CADM2: variants seen among roughly 807,000 people sequenced by gnomAD.
CADM2 encodes the protein cell adhesion molecule 2.
A neutral mutation model predicts 49.8 loss-of-function variants in CADM2; 12 were observed. That is an observed-to-expected ratio of 0.24 (90% CI 0.15 to 0.39). The LOEUF is 0.39. Among genes scored for constraint, CADM2 ranks in the 10% least tolerant of loss-of-function variants. The pLI, the probability that CADM2 is intolerant of heterozygous loss-of-function variation, is 1.00. For missense variants in CADM2, 378 were observed against 492.3 expected (o/e 0.77, Z 2.20); for synonymous variants, 214 against 175.4 (o/e 1.22, Z -1.74).
chr3:85,448,079 C>T (rs1201937982), intron 1 of CADM2, among the ~76,000 whole-genome samples: 2 of 152,096 alleles, frequency 1.3e-5, no homozygotes, highest in African/African-American at 4.8e-5. Context: ...CGCCTCTAAT[C>T]CCAGCACTTT....
At chr3:85,235,573 C>A (rs1251955833) in intron 1 of CADM2, among the ~76,000 whole-genome samples, 1 of 151,992 alleles carries the variant, frequency 6.6e-6, no homozygotes. Context: ...TTATAATTTA[C>A]AAAGATATGT....
chr3:85,796,720 A>G (rs2071645774), intron 2 of CADM2, among the ~76,000 whole-genome samples: 1 of 151,586 alleles, frequency 6.6e-6, no homozygotes, highest in African/African-American at 2.4e-5. Context: ...GGGTAATAAG[A>G]TTTTTTTTTC....
intron 3 of CADM2, among the ~76,000 whole-genome samples, chr3:85,853,516 T>C (rs2075185510): frequency 6.6e-6 from 1 of 152,124 alleles, no homozygotes; most frequent in South Asian, 2.1e-4. Context: ...GTTTATTAAA[T>C]TGCTAGAATG....
intron 4 of CADM2, among the ~76,000 whole-genome samples, chr3:85,885,934 T>C (rs1713586112): frequency 6.6e-6 from 1 of 151,890 alleles, no homozygotes; most frequent in Non-Finnish European, 1.5e-5. Flanking sequence ...TTTGATACTA[T>C]ATATATTTAT....
intron 1 of CADM2, among the ~76,000 whole-genome samples, chr3:84,966,781 A>G (rs973837313): frequency 9.9e-5 from 15 of 152,084 alleles, no homozygotes; most frequent in Non-Finnish European, 1.8e-4. Flanking sequence ...GAGTCAGCAA[A>G]TCATTTTCAC....
At chr3:85,936,410 T>C (rs187555818) in intron 7 of CADM2, among the ~76,000 whole-genome samples, 3 of 151,970 alleles carry the variant, frequency 2.0e-5, no homozygotes, top group Admixed American at 1.3e-4. Flanking sequence ...CTCTAAAACT[T>C]CACCTTTTGA....
At chr3:86,062,302 T>A (rs1041167461) in intron 8 of CADM2, among the ~76,000 whole-genome samples, 1 of 152,142 alleles carries the variant, frequency 6.6e-6, no homozygotes, top group Non-Finnish European at 1.5e-5. Flanking sequence ...AATTCAGAAA[T>A]ATGACAGGTT....
chr3:85,116,076 C>T (rs138292850), intron 1 of CADM2, among the ~76,000 whole-genome samples: 315 of 152,346 alleles, frequency 2.1e-3, no homozygotes, highest in African/African-American at 7.1e-3. Context: ...CCTGTAATCC[C>T]AGCACTTTGG....
At chr3:85,592,085 T>A (rs1472324929) in intron 1 of CADM2, among the ~76,000 whole-genome samples, 1 of 152,002 alleles carries the variant, frequency 6.6e-6, no homozygotes, top group Non-Finnish European at 1.5e-5. Flanking sequence ...TGATTTGTAG[T>A]CATCCAGCAA....
chr3:85,912,523 T>C lies in CADM2; in HGVS notation c.680T>C (p.Met227Thr), dbSNP rs776908085. 3 of 1,613,690 alleles carry C rather than the reference T, an allele frequency of 1.9e-6. No individual in the cohort carries two copies. The highest frequency in any genetic ancestry group is 1.7e-6 in the Non-Finnish European group (2 of 1,179,814). The change falls in exon 6 of 10, where the codon ATG (methionine) becomes ACG (threonine). Residue 227 changes from methionine to threonine, a missense_variant. Transcript: ENST00000383699. ...CTCAATGCCACCCCTCAGGTAGCCA[T>C]GCAGGTGCTAGAAATACACTGTAAG... is the stretch of plus-strand genomic sequence containing the variant. ...ESLNATPQVA[M>T]QVLEIHYTPS...
chr3:85,819,288 T>A (rs1431417492), intron 3 of CADM2, among the ~76,000 whole-genome samples: 1 of 152,028 alleles, frequency 6.6e-6, no homozygotes, highest in Non-Finnish European at 1.5e-5. Context: ...TGAGAGTGGG[T>A]CTTCCTCTCC....
intron 1 of CADM2, among the ~76,000 whole-genome samples, chr3:85,512,494 C>G (rs921512219): frequency 1.3e-5 from 2 of 151,902 alleles, no homozygotes; most frequent in Non-Finnish European, 2.9e-5. Flanking sequence ...GTTATGACAT[C>G]AATTCAGTAA....
chr3:85,984,497 T>A (rs965951355), intron 8 of CADM2, among the ~76,000 whole-genome samples: 2 of 151,802 alleles, frequency 1.3e-5, no homozygotes, highest in African/African-American at 2.4e-5. Context: ...AGTGGTTATG[T>A]TTATTTATCA....
At chr3:85,272,396 A>G (rs1292854703) in intron 1 of CADM2, among the ~76,000 whole-genome samples, 1 of 151,290 alleles carries the variant, frequency 6.6e-6, no homozygotes, top group Non-Finnish European at 1.5e-5. Context: ...ATTTTAAATC[A>G]AATTTACTTC....
At chr3:85,359,071 T>C (rs1430645684) in intron 1 of CADM2, among the ~76,000 whole-genome samples, 2 of 152,180 alleles carry the variant, frequency 1.3e-5, no homozygotes, top group Non-Finnish European at 2.9e-5. Context: ...CATCTTCTTT[T>C]ACAGCCTCAT....
chr3:85,601,999 GA>G (rs1299051020), intron 1 of CADM2, among the ~76,000 whole-genome samples: 1 of 151,674 alleles, frequency 6.6e-6, no homozygotes, highest in African/African-American at 2.4e-5. Context: ...CTGTCAGCAG[GA>G]AAAACCTTCA....
At chr3:85,700,733 C>T (rs2066728161) in intron 1 of CADM2, among the ~76,000 whole-genome samples, 1 of 152,152 alleles carries the variant, frequency 6.6e-6, no homozygotes, top group African/African-American at 2.4e-5. Context: ...AAATAAGTTC[C>T]TCATTTCCAT....
At chr3:85,099,836 T>G (rs1329090865) in intron 1 of CADM2, among the ~76,000 whole-genome samples, 1 of 152,172 alleles carries the variant, frequency 6.6e-6, no homozygotes, top group African/African-American at 2.4e-5. Context: ...GAATGGGAGC[T>G]TTTAAAATAA....
At chr3:85,180,196 C>T (rs900078363) in intron 1 of CADM2, among the ~76,000 whole-genome samples, 1 of 151,900 alleles carries the variant, frequency 6.6e-6, no homozygotes, top group Non-Finnish European at 1.5e-5. Context: ...ACAGAATTGG[C>T]AAAGATACTT....
Sources: allele counts gnomAD v4.1 joint callset (sites outside exome capture counted in the v4.1 genomes callset), GRCh38; gene constraint gnomAD v4.1.1; transcripts MANE v1.5; gene names NCBI Gene and HGNC (gene_info 2026-07-23, HGNC 2026-07-21).